The following GPM6B variants were observed in gnomAD, a reference collection of about 807,000 sequenced individuals.
The protein encoded by GPM6B is glycoprotein M6B.
A neutral mutation model predicts 27.2 loss-of-function variants in GPM6B; 4 were observed. That is an observed-to-expected ratio of 0.15 (90% CI 0.07 to 0.34). GPM6B has a LOEUF of 0.34. GPM6B is among the 10% of genes least tolerant of loss of function. The probability of loss-of-function intolerance (pLI) is 1.00; values close to 1 mark genes in which losing one functional copy is unlikely to be tolerated. For synonymous variants in GPM6B, 124 were observed against 103.1 expected (o/e 1.20, Z -1.23); for missense variants, 183 against 261.9 (o/e 0.70, Z 2.08).
At chrX:13,812,927 A>AT (rs2049165674) in intron 1 of GPM6B, 1 of 110,313 alleles carries the variant, frequency 9.1e-6, no homozygotes, top group Non-Finnish European at 1.9e-5. Flanking sequence ...AAAAAAAAAA[A>AT]ATCAAAGGAA....
chrX:13,873,735 T>C (rs1475389979), intron 1 of GPM6B, among the ~76,000 whole-genome samples: 1 of 111,919 alleles, frequency 8.9e-6, no homozygotes, highest in East Asian at 2.8e-4. Flanking sequence ...CTTCATTACA[T>C]GTAAGTGCCA....
chrX:13,840,814 ATG>A (rs112311117), intron 1 of GPM6B, among the ~76,000 whole-genome samples: 7 of 110,779 alleles, frequency 6.3e-5, no homozygotes, highest in East Asian at 2.9e-4. Flanking sequence ...AGACACACAA[ATG>A]TGTGTGTGTG....
intron 1 of GPM6B, among the ~76,000 whole-genome samples, chrX:13,891,706 T>C (rs980280799): frequency 3.6e-5 from 4 of 111,999 alleles, no homozygotes; most frequent in Non-Finnish European, 5.6e-5. Context: ...TTGGGGGAAA[T>C]TGATCCCCTA....
At chrX:13,885,337 A>G (rs970837804) in intron 1 of GPM6B, among the ~76,000 whole-genome samples, 11 of 112,562 alleles carry the variant, frequency 9.8e-5, no homozygotes, top group Non-Finnish European at 1.9e-4. Context: ...CCTTAGAAAA[A>G]GGAATTCTTA....
intron 1 of GPM6B, among the ~76,000 whole-genome samples, chrX:13,858,334 A>C (rs2049805151): frequency 8.9e-6 from 1 of 111,733 alleles, no homozygotes; most frequent in Non-Finnish European, 1.9e-5. Context: ...TCAGGATTAC[A>C]ATCAGTAGTG....
intron 3 of GPM6B, among the ~76,000 whole-genome samples, chrX:13,784,451 A>G (rs1417997691): frequency 8.9e-6 from 1 of 112,078 alleles, no homozygotes; most frequent in East Asian, 2.8e-4. Context: ...TTTGGAGGTC[A>G]TTTGTGAACA....
chrX:13,856,563 T>G (rs981930981), intron 1 of GPM6B, among the ~76,000 whole-genome samples: 1 of 112,475 alleles, frequency 8.9e-6, no homozygotes. Flanking sequence ...ATTAGTTTCC[T>G]ATGGCTGTTG....
chrX:13,787,555 T>C (rs1372427429), intron 2 of GPM6B, among the ~76,000 whole-genome samples: 1 of 111,513 alleles, frequency 9.0e-6, no homozygotes, highest in African/African-American at 3.3e-5. Flanking sequence ...AGACTCCGTC[T>C]CAAAAAAAGA....
intron 1 of GPM6B, among the ~76,000 whole-genome samples, chrX:13,900,084 G>A (rs2050269010): frequency 9.0e-6 from 1 of 111,479 alleles, no homozygotes; most frequent in Non-Finnish European, 1.9e-5. Flanking sequence ...TTAGATGGAA[G>A]GTTTAGTCCA....
intron 1 of GPM6B, among the ~76,000 whole-genome samples, chrX:13,907,734 T>G (rs1478820885): frequency 8.9e-6 from 1 of 112,546 alleles, no homozygotes; most frequent in Non-Finnish European, 1.9e-5. Flanking sequence ...AATGGACTAT[T>G]GAAGATTGCA....
chrX:13,878,196 G>T (rs1435937989), intron 1 of GPM6B, among the ~76,000 whole-genome samples: 1 of 108,294 alleles, frequency 9.2e-6, no homozygotes, highest in South Asian at 3.9e-4. Flanking sequence ...AAACTCTTAC[G>T]AATATTCTAT....
intron 2 of GPM6B, among the ~76,000 whole-genome samples, chrX:13,796,139 G>A (rs1603009033): frequency 9.0e-6 from 1 of 111,329 alleles, no homozygotes; most frequent in East Asian, 2.8e-4. Context: ...TGGTCAGGCT[G>A]GTCTCGAACT....
chrX:13,787,451 G>A (rs895781021), intron 2 of GPM6B, among the ~76,000 whole-genome samples: 2 of 111,735 alleles, frequency 1.8e-5, no homozygotes, highest in Non-Finnish European at 3.8e-5. Flanking sequence ...AGCTACTTGG[G>A]AGGCTGAGGC....
At chrX:13,798,290 C>T (rs1033325389) in intron 2 of GPM6B, among the ~76,000 whole-genome samples, 1 of 109,421 alleles carries the variant, frequency 9.1e-6, no homozygotes, top group Admixed American at 9.8e-5. Flanking sequence ...CAGCAAGGCA[C>T]AGCAGAGGCA....
At chrX:13,820,784 C>G (rs2049298632), upstream of GPM6B, among the ~76,000 whole-genome samples, 1 of 111,771 alleles carries the variant, frequency 8.9e-6, no homozygotes, top group Non-Finnish European at 1.9e-5. Context: ...TTATTCTCCA[C>G]TGTATTCTAA....
intron 1 of GPM6B, among the ~76,000 whole-genome samples, chrX:13,935,569 A>G (rs893973771): frequency 2.7e-5 from 3 of 111,963 alleles, no homozygotes; most frequent in African/African-American, 9.7e-5. Flanking sequence ...CAAAATCCGC[A>G]TTTCTCTCTG....
intron 1 of GPM6B, among the ~76,000 whole-genome samples, chrX:13,851,830 C>A (rs2049721468): frequency 9.0e-6 from 1 of 111,208 alleles, no homozygotes; most frequent in Non-Finnish European, 1.9e-5. Context: ...AGAGATCATT[C>A]ATTGCTTCTT....
chrX:13,909,280 T>C (rs2050357334), intron 1 of GPM6B, among the ~76,000 whole-genome samples: 1 of 109,447 alleles, frequency 9.1e-6, no homozygotes, highest in Admixed American at 9.8e-5. Flanking sequence ...TGCACCACCA[T>C]ACCCAGCTAA....
intron 1 of GPM6B, among the ~76,000 whole-genome samples, chrX:13,926,154 C>T (rs1449418749): frequency 1.9e-5 from 2 of 102,651 alleles, no homozygotes; most frequent in East Asian, 3.2e-4. Context: ...AGCAAAGGAT[C>T]GCACTTTGGG....
Sources: allele counts gnomAD v4.1 joint callset (sites outside exome capture counted in the v4.1 genomes callset), GRCh38; gene constraint gnomAD v4.1.1; transcripts MANE v1.5; gene names NCBI Gene and HGNC (gene_info 2026-07-23, HGNC 2026-07-21).